AGBL4: variants seen among roughly 807,000 people sequenced by gnomAD.
AGBL4 encodes AGBL carboxypeptidase 4, also known as cytosolic carboxypeptidase 6.
In AGBL4, 58 loss-of-function variants were observed where a neutral mutation model predicts 66.4. That is an observed-to-expected ratio of 0.87 (90% CI 0.71 to 1.09). The LOEUF is 1.09. Ranked by LOEUF, AGBL4 falls within the 50% of genes least tolerant of loss-of-function variation. The pLI, the probability that AGBL4 is intolerant of heterozygous loss-of-function variation, is 0.00. For synonymous variants in AGBL4, 234 were observed against 222.9 expected, an observed-to-expected ratio of 1.05 and a Z score of -0.44; for missense variants, 579 against 631.0, an observed-to-expected ratio of 0.92 and a Z score of 0.88.
chr1:49,285,070 AT>A (rs1644372080), intron 3 of AGBL4, among the ~76,000 whole-genome samples: 2 of 152,048 alleles, frequency 1.3e-5, no homozygotes, highest in South Asian at 2.1e-4. Flanking sequence ...CAGAATATAC[AT>A]TTTTTTCAGC....
At chr1:49,915,249 G>A (rs1188924471) in intron 1 of AGBL4, among the ~76,000 whole-genome samples, 1 of 152,020 alleles carries the variant, frequency 6.6e-6, no homozygotes. Context: ...AGGACAGTGG[G>A]TGCAGCCCAC....
chr1:49,328,400 A>C (rs11808682), intron 3 of AGBL4, among the ~76,000 whole-genome samples: 8,018 of 152,254 alleles, frequency 0.053, 234 homozygotes, highest in African/African-American at 0.069. Context: ...TTTACTGGGT[A>C]ATTTTAAGCA....
chr1:49,846,445 A>G, intron 2 of AGBL4: 2 of 1,356,104 alleles, frequency 1.5e-6, no homozygotes, highest in Admixed American at 2.1e-5. Flanking sequence ...CTTAAGACAT[A>G]GCTCATCCCT....
At chr1:49,751,623 T>C (rs1043889211) in intron 2 of AGBL4, among the ~76,000 whole-genome samples, 11 of 152,182 alleles carry the variant, frequency 7.2e-5, no homozygotes, top group Admixed American at 6.5e-5. Flanking sequence ...GTACCTCTTG[T>C]TCTGTTGCTT....
At chr1:48,538,392 T>C (rs77528075) in intron 12 of AGBL4, among the ~76,000 whole-genome samples, 1 of 152,322 alleles carries the variant, frequency 6.6e-6, no homozygotes, top group East Asian at 1.9e-4. Flanking sequence ...GAGATTGTTG[T>C]TATTATCCCC....
chr1:49,461,005 C>T (rs372386588), intron 3 of AGBL4, among the ~76,000 whole-genome samples: 3 of 151,550 alleles, frequency 2.0e-5, no homozygotes, highest in East Asian at 2.0e-4. Context: ...GGGTACCTGA[C>T]GTTTTTGTCT....
intron 5 of AGBL4, among the ~76,000 whole-genome samples, chr1:48,983,660 A>T (rs1301081554): frequency 2.0e-5 from 3 of 152,196 alleles, no homozygotes; most frequent in African/African-American, 7.2e-5. Flanking sequence ...TTAATCGAGG[A>T]AGCAAACCTA....
At chr1:49,197,319 G>A (rs1046210815) in intron 4 of AGBL4, among the ~76,000 whole-genome samples, 4 of 152,166 alleles carry the variant, frequency 2.6e-5, no homozygotes, top group African/African-American at 9.7e-5. Context: ...AGCTGGGGTT[G>A]TGTGAGCAAC....
At chr1:49,790,045 A>G (rs1410117619) in intron 2 of AGBL4, among the ~76,000 whole-genome samples, 1 of 152,146 alleles carries the variant, frequency 6.6e-6, no homozygotes, top group African/African-American at 2.4e-5. Context: ...CAACCATCTG[A>G]TCTTTGACAA....
rs146510727 is a variant in AGBL4, at chr1:48,937,385, A to T, written c.595-70155T>A. Among the ~76,000 whole-genome samples, 293 of 152,284 alleles carry T rather than the reference A, an allele frequency of 1.9e-3. 1 individual carries two copies. Among genetic ancestry groups the T allele is most frequent in the African/African-American group, 6.9e-3 (286 of 41,562 alleles). ...GTAGCCATCATAAAATCAGGCCATC[A>T]GTGATTCAGCTTCATTATTAGTCAG... On this transcript the variant is annotated intron_variant, in intron 5 of 13. Coordinates refer to ENST00000371839, the MANE Select transcript of AGBL4 (RefSeq NM_032785.4).
Position 49,981,947 on chromosome 1 carries a change from T to C in AGBL4, c.34+41816A>G, listed in dbSNP as rs1302207548. ...ATCATTTGTTCAATTGTTTCAAACA[T>C]GAAACTCATTGGATTTCACCAGGGA... On this transcript the variant is annotated intron_variant, in intron 1 of 13. Transcript: ENST00000371839. Among the ~76,000 whole-genome samples the C allele has an allele frequency of 3.9e-5, 6 of 152,220 alleles. No homozygotes were observed. The East Asian group carries it at 9.6e-4, about 24-fold the overall frequency.
intron 2 of AGBL4, among the ~76,000 whole-genome samples, chr1:49,719,031 G>A (rs1648386802): frequency 1.3e-5 from 2 of 152,006 alleles, no homozygotes; most frequent in South Asian, 4.2e-4. Flanking sequence ...ATTAGAATAG[G>A]TACATTGGGT....
chr1:48,599,328 T>C (rs2148361131), intron 9 of AGBL4, among the ~76,000 whole-genome samples: 1 of 152,390 alleles, frequency 6.6e-6, no homozygotes, highest in South Asian at 2.1e-4. Flanking sequence ...TTATGTATTA[T>C]ACATAATTGC....
At chr1:49,556,440 T>TGGCACATGTATACATATGTAACAAACC (rs1553226380) in intron 3 of AGBL4, among the ~76,000 whole-genome samples, 6 of 151,834 alleles carry the variant, frequency 4.0e-5, no homozygotes, top group Admixed American at 3.9e-4. Context: ...GACACCAACA[T>TGGCACATGTATACATATGTAACAAACC]GGCACATGTA....
At chr1:49,269,664 A>G (rs547289473) in intron 3 of AGBL4, among the ~76,000 whole-genome samples, 8 of 152,054 alleles carry the variant, frequency 5.3e-5, no homozygotes, top group Non-Finnish European at 1.0e-4. Flanking sequence ...TCATGTCCTG[A>G]TTTACCACCA....
chr1:49,891,347 A>C (rs373524452), intron 1 of AGBL4, among the ~76,000 whole-genome samples: 1 of 152,222 alleles, frequency 6.6e-6, no homozygotes. Context: ...TAATTTCTTC[A>C]TCTGTATCAG....
intron 4 of AGBL4, among the ~76,000 whole-genome samples, chr1:49,207,542 T>TTTTCCTTCTTTC: frequency 1.3e-5 from 1 of 77,976 alleles, no homozygotes; most frequent in East Asian, 3.9e-4. Context: ...TTTTTCTTTC[T>TTTTCCTTCTTTC]TTTCTTTCTT....
chr1:49,466,249 G>A (rs1646628373), intron 3 of AGBL4, among the ~76,000 whole-genome samples: 1 of 151,830 alleles, frequency 6.6e-6, no homozygotes, highest in Non-Finnish European at 1.5e-5. Flanking sequence ...TATAGAATTT[G>A]GGTTCCCCAA....
At chr1:49,251,002 T>C (rs1463221760) in intron 3 of AGBL4, among the ~76,000 whole-genome samples, 1 of 152,094 alleles carries the variant, frequency 6.6e-6, no homozygotes, top group Admixed American at 6.6e-5. Context: ...AGATACTTTA[T>C]CACTAAGGGA....
Sources: gnomAD v4.1 joint callset for allele counts (sites outside exome capture counted in the v4.1 genomes callset) on GRCh38, gnomAD v4.1.1 for gene constraint, MANE v1.5 for transcripts, NCBI Gene and HGNC (gene_info 2026-07-23, HGNC 2026-07-21) for gene names.